The following IQGAP1 variants were observed in gnomAD, a reference collection of about 807,000 sequenced individuals.
The protein encoded by IQGAP1 is ras GTPase-activating-like protein IQGAP1.
IQGAP1 carries 66 observed loss-of-function variants against 215.6 expected under a neutral mutation model. The observed-to-expected ratio is 0.31, with a 90% confidence interval of 0.25 to 0.38. The LOEUF (loss-of-function observed/expected upper bound fraction) is 0.38, where lower values mean the gene tolerates loss of function less well. Ranked by LOEUF, IQGAP1 falls within the 10% of genes least tolerant of loss-of-function variation. IQGAP1 has a pLI of 1.00. For missense variants in IQGAP1, 1,712 were observed against 1,997.1 expected (o/e 0.86, Z 2.72); for synonymous variants, 772 against 728.7 (o/e 1.06, Z -0.96).
intron 2 of IQGAP1, among the ~76,000 whole-genome samples, chr15:90,421,257 C>T (rs764475175): frequency 6.6e-6 from 1 of 152,124 alleles, no homozygotes; most frequent in African/African-American, 2.4e-5. Context: ...TGGTGGATCA[C>T]CTGAGGTCAG....
chr15:90,480,162 G>T (rs1966036776), intron 26 of IQGAP1, among the ~76,000 whole-genome samples: 2 of 150,546 alleles, frequency 1.3e-5, no homozygotes, highest in African/African-American at 4.9e-5. Context: ...GCCAAGACAG[G>T]AAGATCGCTT....
chr15:90,474,180 C>T (rs1386803189), intron 22 of IQGAP1, 47 bp downstream of exon 22: 1 of 1,517,288 alleles, frequency 6.6e-7, no homozygotes, highest in African/African-American at 1.4e-5. Flanking sequence ...GGCTGGGAGC[C>T]ACCAAGTTCA....
At chr15:90,420,214 T>C (rs1179795196) in intron 2 of IQGAP1, among the ~76,000 whole-genome samples, 1 of 152,198 alleles carries the variant, frequency 6.6e-6, no homozygotes, top group Non-Finnish European at 1.5e-5. Flanking sequence ...TGCAATCTTA[T>C]TTAATCCTCA....
chr15:90,454,581 A>G, intron 14 of IQGAP1, 29 bp downstream of exon 14: 2 of 1,514,786 alleles, frequency 1.3e-6, no homozygotes, highest in Non-Finnish European at 1.8e-6. Flanking sequence ...CTCCCCAAAT[A>G]ATGTCACCAT....
At chr15:90,495,293 G>A (rs1429761646) in intron 36 of IQGAP1, among the ~76,000 whole-genome samples, 2 of 152,122 alleles carry the variant, frequency 1.3e-5, no homozygotes, top group Non-Finnish European at 2.9e-5. Flanking sequence ...TGGGCCCAGC[G>A]TCATTAGCAA....
rs1965629604 is a variant in IQGAP1 at position 90,453,120 on chromosome 15, C to T, written c.1327-12C>T. The T allele has an allele frequency of 1.2e-6, 2 of 1,600,874 alleles. No homozygotes were observed. Among genetic ancestry groups the T allele is most frequent in the East Asian group, 4.5e-5 (2 of 44,818 alleles). On this transcript the variant is annotated splice_polypyrimidine_tract_variant and intron_variant, in intron 12 of 37. Transcript: ENST00000268182. ...TTCCTCACTGTTTTCCCTTCTGTCC[C>T]TTTCTGTACAGCATAATCTCACCCA... is the stretch of plus-strand genomic sequence containing the variant.
chr15:90,399,155 G>A (rs1012458940), intron 2 of IQGAP1, among the ~76,000 whole-genome samples: 1 of 151,822 alleles, frequency 6.6e-6, no homozygotes, highest in African/African-American at 2.4e-5. Flanking sequence ...TAGAGATGGG[G>A]TTTCTCTATG....
chr15:90,456,991 T>A lies in IQGAP1; in HGVS notation c.1776+676T>A, dbSNP rs201910555. Among the ~76,000 whole-genome samples, 36 of 135,810 alleles carry A rather than the reference T, an allele frequency of 2.7e-4. No homozygotes were observed. In the East Asian group the frequency reaches 2.7e-3, roughly 10 times the overall value. 89.1% of individuals were successfully genotyped at this position (135,810 alleles called of 152,430 possible). On this transcript the variant is annotated intron_variant, in intron 15 of 37. Coordinates refer to ENST00000268182, the MANE Select transcript of IQGAP1 (RefSeq NM_003870.4). ...CATATATACGATCCAGAAAAAAAAATATATATATATGATCCAGAAAAATGA... is the reference window on the plus strand; with the variant it reads ...CATATATACGATCCAGAAAAAAAAAAATATATATATGATCCAGAAAAATGA...
chr15:90,407,595 T>G (rs543365474), intron 2 of IQGAP1, among the ~76,000 whole-genome samples: 23 of 152,272 alleles, frequency 1.5e-4, no homozygotes, highest in Non-Finnish European at 2.6e-4. Context: ...TGTAACAGTT[T>G]AATGGAAGAT....
chr15:90,476,585 T>A (rs1217891647), intron 23 of IQGAP1, 78 bp from the exon 24 acceptor site: 2 of 1,121,428 alleles, frequency 1.8e-6, no homozygotes, highest in African/African-American at 3.1e-5. Context: ...AGTTTGCACA[T>A]GCTGCAAAAC....
At chr15:90,471,687 A>G (rs1314035419) in intron 18 of IQGAP1, among the ~76,000 whole-genome samples, 1 of 151,978 alleles carries the variant, frequency 6.6e-6, no homozygotes, top group Non-Finnish European at 1.5e-5. Flanking sequence ...TTTAGTAGAG[A>G]TGGGGTTTCT....
Position 90,487,469 on chromosome 15 carries a change from T to G in IQGAP1, c.4161-26T>G, listed in dbSNP as rs376261463. On this transcript the variant is annotated intron_variant, in intron 32 of 37. Transcript: ENST00000268182. ...GAGGAACTAGAACACTGGTAATATT[T>G]AAATGCCTCCCCCATCTCGTTTCAG... 17 of 1,562,134 alleles carry G rather than the reference T, an allele frequency of 1.1e-5. No homozygotes were observed. The African/African-American group carries it at 2.2e-4, about 20-fold the overall frequency.
intron 14 of IQGAP1, among the ~76,000 whole-genome samples, chr15:90,455,345 A>G (rs1965664107): frequency 6.6e-6 from 1 of 152,168 alleles, no homozygotes; most frequent in African/African-American, 2.4e-5. Context: ...TCAGTGGTTG[A>G]TCTTTCCAGC....
chr15:90,438,282 T>A (rs2151018262), intron 5 of IQGAP1, among the ~76,000 whole-genome samples: 1 of 152,316 alleles, frequency 6.6e-6, no homozygotes, highest in Admixed American at 6.5e-5. Context: ...ATTTATTGAT[T>A]CTGATCAGTT....
At chr15:90,471,602 C>T (rs931261489) in intron 18 of IQGAP1, among the ~76,000 whole-genome samples, 7 of 151,768 alleles carry the variant, frequency 4.6e-5, no homozygotes, top group African/African-American at 1.2e-4. Flanking sequence ...CAGGTTCAAG[C>T]GATTCTCCTG....
At chr15:90,397,888 C>CTTTTTTTTTTTTTTTTTTTTTTTTTTTTT (rs763133807) in intron 2 of IQGAP1, 1 of 44,376 alleles carries the variant, frequency 2.3e-5, no homozygotes, top group African/African-American at 1.2e-4. Context: ...TTTTTTTTTT[C>CTTTTTTTTTTTTTTTTTTTTTTTTTTTTT]TTTTTTTTTT....
chr15:90,486,156 A>G, intron 31 of IQGAP1, 24 bp downstream of exon 31: 1 of 1,526,544 alleles, frequency 6.6e-7, no homozygotes. Flanking sequence ...TTTTGCCTGG[A>G]AGATCAAAAG....
chr15:90,414,544 C>CT (rs1965016670), intron 2 of IQGAP1, among the ~76,000 whole-genome samples: 1 of 152,160 alleles, frequency 6.6e-6, no homozygotes, highest in Non-Finnish European at 1.5e-5. Context: ...CTGGTGACCT[C>CT]TACCAGTTTG....
intron 2 of IQGAP1, among the ~76,000 whole-genome samples, chr15:90,398,073 CG>C (rs71461877): frequency 6.7e-6 from 1 of 150,268 alleles, no homozygotes; most frequent in African/African-American, 2.5e-5. Flanking sequence ...TTAGTGGAGA[CG>C]GGGGTTTCAC....
Sources: allele counts gnomAD v4.1 joint callset (sites outside exome capture counted in the v4.1 genomes callset), GRCh38; gene constraint gnomAD v4.1.1; transcripts MANE v1.5; gene names NCBI Gene and HGNC (gene_info 2026-07-23, HGNC 2026-07-21).